NTAN1: variants seen among roughly 807,000 people sequenced by gnomAD.
NTAN1 encodes the protein protein N-terminal asparagine amidohydrolase.
In NTAN1, 32 loss-of-function variants were observed where a neutral mutation model predicts 41.9. The ratio of observed to expected loss-of-function variants is 0.76; its 90% confidence interval spans 0.58 to 1.03. NTAN1 has a LOEUF of 1.03. Among genes scored for constraint, NTAN1 ranks in the 50% least tolerant of loss-of-function variants. The probability of loss-of-function intolerance (pLI) is 0.00; values close to 1 mark genes in which losing one functional copy is unlikely to be tolerated. For synonymous variants in NTAN1, 140 were observed against 139.5 expected (o/e 1.00, Z -0.03); for missense variants, 377 against 377.5 (o/e 1.00, Z 0.01).
At chr16:15,052,572 C>T (rs1000685994) in intron 1 of NTAN1, among the ~76,000 whole-genome samples, 2 of 152,214 alleles carry the variant, frequency 1.3e-5, no homozygotes, top group Admixed American at 1.3e-4. Flanking sequence ...CACTGGCTCA[C>T]GCCTGTAATC....
At position 15,037,926 on chromosome 16, in the gene NTAN1, G is replaced by A; in HGVS notation, c.*105C>T. 1.5e-6 allele frequency: 1 copy of A among 684,914 alleles called. No homozygotes were observed. The highest frequency in any genetic ancestry group is 4.3e-4 in the Middle Eastern group (1 of 2,322). 42.4% of individuals were successfully genotyped at this position (684,914 alleles called of 1,614,324 possible). A position where few individuals can be genotyped will look rare whatever the true frequency, so the allele number is the denominator to read the frequency against. On this transcript the variant is annotated 3_prime_UTR_variant, in exon 10 of 10. Coordinates refer to ENST00000287706, the MANE Select transcript of NTAN1 (RefSeq NM_173474.4). ...CATTTGAAAGACACTGAGGAGGGAA[G>A]GAGGCCTAAGACCCAACAGATGTAG...
chr16:15,039,948 C>A (rs1237719067), intron 8 of NTAN1, 21 bp downstream of exon 8: 6 of 1,409,944 alleles, frequency 4.3e-6, no homozygotes, highest in Admixed American at 1.9e-5. Context: ...AACCCCTTAA[C>A]AAAGATGATT....
Position 15,046,782 on chromosome 16 carries a change from G to A in NTAN1, c.359+660C>T, listed in dbSNP as rs572599912. On this transcript the variant is annotated intron_variant, in intron 4 of 9. Transcript: ENST00000287706. ...CCCAGCTACTTGGGAGGCTGAGGTC[G>A]GAGAATCACCTGAGTCCACAAAGTC... 1.1e-4 allele frequency among the ~76,000 whole-genome samples: 17 copies of A among 151,346 alleles called. No individual in the cohort carries two copies. The East Asian group carries it at 1.2e-3, about 10-fold the overall frequency.
chr16:15,050,101 G>A (rs529503982), intron 1 of NTAN1, among the ~76,000 whole-genome samples: 24 of 152,278 alleles, frequency 1.6e-4, no homozygotes, highest in Admixed American at 1.5e-3. Context: ...AAATGGATAA[G>A]GCAAATTTAC....
intron 1 of NTAN1, among the ~76,000 whole-genome samples, chr16:15,052,528 C>T (rs1057379682): frequency 6.6e-6 from 1 of 152,086 alleles, no homozygotes; most frequent in East Asian, 1.9e-4. Context: ...AACTGTAAAG[C>T]ACAATGCTAT....
At chr16:15,054,093 C>T (rs1657667158) in intron 1 of NTAN1, among the ~76,000 whole-genome samples, 1 of 152,204 alleles carries the variant, frequency 6.6e-6, no homozygotes, top group African/African-American at 2.4e-5. Context: ...AGAAACTGGC[C>T]AGGACACCCA....
rs571701649 is a variant in NTAN1, at chr16:15,052,353, G to C, written c.81+3538C>G. ...TATAAAGACCATTCTTGGCCTATAG[G>C]CTATACATAAGCAGGGTCCGGCCCA... On this transcript the variant is annotated intron_variant, in intron 1 of 9. Coordinates refer to ENST00000287706, the MANE Select transcript of NTAN1 (RefSeq NM_173474.4). 8.5e-5 allele frequency among the ~76,000 whole-genome samples: 13 copies of C among 152,130 alleles called. 1 individual carries two copies. Among genetic ancestry groups the C allele is most frequent in the Admixed American group, 7.2e-4 (11 of 15,272 alleles).
At chr16:15,043,596 TC>T (rs1484930816) in intron 5 of NTAN1, among the ~76,000 whole-genome samples, 5 of 151,806 alleles carry the variant, frequency 3.3e-5, no homozygotes, top group African/African-American at 9.7e-5. Flanking sequence ...TAAGCTTGCT[TC>T]ATGGCCTGGT....
chr16:15,047,399 T>C, intron 4 of NTAN1, 43 bp downstream of exon 4: 1 of 1,292,758 alleles, frequency 7.7e-7, no homozygotes, highest in Non-Finnish European at 1.1e-6. Context: ...TATGCGACGG[T>C]TCCAAGATCT....
chr16:15,055,161 C>A (rs1170800322), intron 1 of NTAN1, among the ~76,000 whole-genome samples: 2 of 152,128 alleles, frequency 1.3e-5, no homozygotes, highest in African/African-American at 4.8e-5. Flanking sequence ...GCAAATAGGA[C>A]GTCTGCCCCC....
rs377218066 is a variant in NTAN1 at position 15,041,708 on chromosome 16, A to G, written c.434-32T>C. 3.9e-6 allele frequency: 6 copies of G among 1,539,726 alleles called. No individual in the cohort carries two copies. The African/African-American group carries it at 6.8e-5, about 17-fold the overall frequency. ...TGAGAATTTTAAGACCAGAAGTCAGAAAAGTTCCTCTAGTTACCAGAACAA... is the reference window on the plus strand; with the variant it reads ...TGAGAATTTTAAGACCAGAAGTCAGGAAAGTTCCTCTAGTTACCAGAACAA... On this transcript the variant is annotated intron_variant, in intron 5 of 9. Coordinates refer to ENST00000287706, the MANE Select transcript of NTAN1 (RefSeq NM_173474.4).
chr16:15,054,516 T>A (rs184894411), intron 1 of NTAN1, among the ~76,000 whole-genome samples: 125 of 152,274 alleles, frequency 8.2e-4, no homozygotes, highest in Admixed American at 2.1e-3. Context: ...CTTCGCTAGC[T>A]AACAGGACAG....
chr16:15,049,700 A>T (rs1247587156), intron 1 of NTAN1, among the ~76,000 whole-genome samples: 1 of 152,154 alleles, frequency 6.6e-6, no homozygotes, highest in Non-Finnish European at 1.5e-5. Context: ...TGCTGGGATT[A>T]TAGCATGAGC....
rs779135028 is a variant in NTAN1 at position 15,038,146 on chromosome 16, A to G, written c.818T>C (p.Met273Thr). 1.9e-6 allele frequency: 3 copies of G among 1,613,354 alleles called. No homozygotes were observed. Among genetic ancestry groups the G allele is most frequent in the Admixed American group, 3.3e-5 (2 of 59,998 alleles). ...HFVEHIRSTL[M>T]FLKKHPSPAH... ...TGGAGATGGGTGTTTTTTTAAAAAC[A>G]TCAAGGTAGATCTAATATGTTCAAC... Residue 273 changes from methionine to threonine, a missense_variant, in exon 10 of 10, where the codon ATG (methionine) becomes ACG (threonine). By Grantham distance (81) the Met-to-Thr change is moderately conservative (BLOSUM62 -1). Transcript: ENST00000287706.
chr16:15,038,047 G>A lies in NTAN1; in HGVS notation c.917C>T (p.Ser306Phe), dbSNP rs372317261. 19 of 1,611,878 alleles carry A rather than the reference G, an allele frequency of 1.2e-5. No individual in the cohort carries two copies. In the African/African-American group the frequency reaches 1.9e-4, roughly 16 times the overall value. ...KNEDGLWEKI[S>F]SPGS Reference sequence around the variant, plus strand: ...TCATGTTTTTTAACTTCCTGGAGAAGAGATCTTTTCCCACAAGCCATCTTC... The same window carrying A: ...TCATGTTTTTTAACTTCCTGGAGAAAAGATCTTTTCCCACAAGCCATCTTC... The change falls in exon 10 of 10, where the codon TCT (serine) becomes TTT (phenylalanine). Residue 306 changes from serine (S) to phenylalanine (F), a missense_variant. Physicochemically the swap from Ser to Phe is radical, Grantham distance 155 (BLOSUM62 -2). Coordinates refer to ENST00000287706, the MANE Select transcript of NTAN1 (RefSeq NM_173474.4).
At chr16:15,039,642 C>T (rs956660233) in intron 8 of NTAN1, among the ~76,000 whole-genome samples, 4 of 152,152 alleles carry the variant, frequency 2.6e-5, no homozygotes, top group Admixed American at 6.5e-5. Context: ...CTCTCTCCTG[C>T]GTCCCAGTTC....
chr16:15,055,531 C>A (rs2151739279), intron 1 of NTAN1, among the ~76,000 whole-genome samples: 1 of 152,364 alleles, frequency 6.6e-6, no homozygotes, highest in Non-Finnish European at 1.5e-5. Flanking sequence ...TCCCCGAAGG[C>A]GGGCGGCCGG....
At chr16:15,050,748 A>C (rs2044262137) in intron 1 of NTAN1, among the ~76,000 whole-genome samples, 1 of 152,134 alleles carries the variant, frequency 6.6e-6, no homozygotes, top group Admixed American at 6.5e-5. Context: ...AAAAAAATTA[A>C]GATTAAACTA....
chr16:15,055,964 A>G lies in NTAN1; in HGVS notation c.8T>C (p.Leu3Pro). Residue 3 changes from leucine to proline, a missense_variant, in exon 1 of 10, where the codon CTG (leucine) becomes CCG (proline). Transcript: ENST00000287706. ...CCGCACTCGCCGCCCCTCGACGAGC[A>G]GCGGCATCGCGGAGGCGGCCGCCCA... MP[L>P]LVEGRRVRLP... is the part of the protein sequence containing the mutation. The G allele has an allele frequency of 8.2e-7, 1 of 1,225,942 alleles. No homozygotes were observed. The highest frequency in any genetic ancestry group is 1.0e-6 in the Non-Finnish European group (1 of 983,738). 75.9% of individuals were successfully genotyped at this position (1,225,942 alleles called of 1,614,324 possible). A position where few individuals can be genotyped will look rare whatever the true frequency, so the allele number is the denominator to read the frequency against.
Sources: allele counts gnomAD v4.1 joint callset (sites outside exome capture counted in the v4.1 genomes callset), GRCh38; gene constraint gnomAD v4.1.1; transcripts MANE v1.5; gene names NCBI Gene and HGNC (gene_info 2026-07-23, HGNC 2026-07-21).